SPATA17: variants seen among roughly 807,000 people sequenced by gnomAD.
SPATA17 encodes the protein spermatogenesis-associated protein 17.
Under a neutral mutation model 62.2 loss-of-function variants are expected in SPATA17, and 53 were observed. The observed-to-expected ratio is 0.85, with a 90% confidence interval of 0.68 to 1.07. The LOEUF is 1.07. Ranked by LOEUF, SPATA17 falls within the 50% of genes least tolerant of loss-of-function variation. The probability of loss-of-function intolerance (pLI) is 0.00; values close to 1 mark genes in which losing one functional copy is unlikely to be tolerated. For synonymous variants in SPATA17, 146 were observed against 146.8 expected, an observed-to-expected ratio of 0.99 and a Z score of 0.04; for missense variants, 466 against 425.5, an observed-to-expected ratio of 1.10 and a Z score of -0.84.
At chr1:217,720,119 G>A (rs543790334) in intron 5 of SPATA17, among the ~76,000 whole-genome samples, 15 of 152,316 alleles carry the variant, frequency 9.8e-5, no homozygotes, top group African/African-American at 2.4e-4. Context: ...CCCCAGTCAT[G>A]CGTTGACATA....
chr1:217,632,287 A>G (rs1372958287), intron 1 of SPATA17, among the ~76,000 whole-genome samples: 3 of 152,214 alleles, frequency 2.0e-5, no homozygotes. Context: ...GATAACGGGT[A>G]AGAAAACCAC....
chr1:217,683,122 C>T (rs1671126679), intron 4 of SPATA17, 136 bp from the exon 5 acceptor site: 2 of 453,980 alleles, frequency 4.4e-6, no homozygotes. Flanking sequence ...AACTAATATG[C>T]TACAATATTA....
chr1:217,634,760 C>T (rs543479197), intron 1 of SPATA17, among the ~76,000 whole-genome samples: 1 of 152,314 alleles, frequency 6.6e-6, no homozygotes, highest in South Asian at 2.1e-4. Flanking sequence ...AAAGTTAGTT[C>T]AGCCTATGTC....
chr1:217,780,420 C>A (rs2102975743), intron 7 of SPATA17, among the ~76,000 whole-genome samples: 1 of 152,184 alleles, frequency 6.6e-6, no homozygotes, highest in East Asian at 1.9e-4. Flanking sequence ...TGGGAGTGAA[C>A]CCAAAAGGAA....
chr1:217,816,413 T>G (rs1674718039), intron 9 of SPATA17, among the ~76,000 whole-genome samples: 1 of 151,688 alleles, frequency 6.6e-6, no homozygotes, highest in Non-Finnish European at 1.5e-5. Context: ...TTCTACTAAT[T>G]CTAGCACTTA....
At chr1:217,775,252 A>C (rs777830841) in intron 7 of SPATA17, among the ~76,000 whole-genome samples, 20 of 152,172 alleles carry the variant, frequency 1.3e-4, no homozygotes, top group Non-Finnish European at 2.5e-4. Context: ...TGTCTATTCT[A>C]AGTCCTTTGC....
intron 3 of SPATA17, among the ~76,000 whole-genome samples, chr1:217,662,667 A>G (rs1670596283): frequency 6.6e-6 from 1 of 152,176 alleles, no homozygotes; most frequent in Admixed American, 6.5e-5. Context: ...GTATGTTGTT[A>G]CGATAAAAGC....
intron 5 of SPATA17, among the ~76,000 whole-genome samples, chr1:217,713,071 C>T (rs962122936): frequency 6.6e-6 from 1 of 152,058 alleles, no homozygotes; most frequent in Non-Finnish European, 1.5e-5. Flanking sequence ...AAGACTAAAC[C>T]CACTGGAAAC....
intron 5 of SPATA17, among the ~76,000 whole-genome samples, chr1:217,716,121 C>T (rs1037888898): frequency 1.3e-5 from 2 of 152,234 alleles, no homozygotes; most frequent in African/African-American, 4.8e-5. Context: ...ACAGAACCAA[C>T]AAATGCAATA....
chr1:217,855,465 G>T (rs1675759830), intron 9 of SPATA17, among the ~76,000 whole-genome samples: 1 of 152,160 alleles, frequency 6.6e-6, no homozygotes, highest in African/African-American at 2.4e-5. Flanking sequence ...TTAAATAGTT[G>T]AAACCAAATT....
At chr1:217,734,889 C>T (rs946363266) in intron 5 of SPATA17, among the ~76,000 whole-genome samples, 4 of 152,062 alleles carry the variant, frequency 2.6e-5, no homozygotes, top group Non-Finnish European at 4.4e-5. Flanking sequence ...TGAGAAAGTG[C>T]ATTTTTATTA....
chr1:217,673,948 C>G (rs918944270), intron 4 of SPATA17, among the ~76,000 whole-genome samples: 4 of 152,118 alleles, frequency 2.6e-5, no homozygotes, highest in Non-Finnish European at 2.9e-5. Context: ...TTGCTTATGG[C>G]TTTTGCTGAT....
chr1:217,858,997 C>T (rs1232958475), intron 9 of SPATA17, among the ~76,000 whole-genome samples: 1 of 151,616 alleles, frequency 6.6e-6, no homozygotes, highest in Non-Finnish European at 1.5e-5. Context: ...TACTGCACTC[C>T]AGCCTGGGTG....
chr1:217,680,583 T>C lies in SPATA17; in HGVS notation c.292-2675T>C, dbSNP rs928193131. Among the ~76,000 whole-genome samples the C allele has an allele frequency of 3.3e-5, 5 of 152,162 alleles. No individual in the cohort carries two copies. In the East Asian group the frequency reaches 9.6e-4, roughly 29 times the overall value. ...TTGAGAAGTATTTTGAAAGACACTTTGAATACTTTTGTTACATTAGTTTGC... is the reference window on the plus strand; with the variant it reads ...TTGAGAAGTATTTTGAAAGACACTTCGAATACTTTTGTTACATTAGTTTGC... On this transcript the variant is annotated intron_variant, in intron 4 of 10. Coordinates refer to ENST00000366933, the MANE Select transcript of SPATA17 (RefSeq NM_138796.4).
At chr1:217,854,179 T>G (rs1260141047) in intron 9 of SPATA17, among the ~76,000 whole-genome samples, 1 of 152,194 alleles carries the variant, frequency 6.6e-6, no homozygotes, top group Non-Finnish European at 1.5e-5. Context: ...GTATGGCTGC[T>G]GGGATTGGCC....
At chr1:217,827,343 C>T (rs1675020534) in intron 9 of SPATA17, among the ~76,000 whole-genome samples, 1 of 152,004 alleles carries the variant, frequency 6.6e-6, no homozygotes, top group African/African-American at 2.4e-5. Flanking sequence ...GTCCATACTA[C>T]CCAAAGCAAT....
At chr1:217,734,460 C>T (rs1672465998) in intron 5 of SPATA17, among the ~76,000 whole-genome samples, 1 of 152,126 alleles carries the variant, frequency 6.6e-6, no homozygotes, top group Non-Finnish European at 1.5e-5. Context: ...GCCTCAGCCT[C>T]CGGAATAGCT....
chr1:217,783,848 A>G (rs935568527), intron 8 of SPATA17, among the ~76,000 whole-genome samples: 13 of 152,056 alleles, frequency 8.5e-5, no homozygotes, highest in Non-Finnish European at 1.6e-4. Flanking sequence ...CTCGATTTGT[A>G]TTTTCCATGG....
intron 5 of SPATA17, among the ~76,000 whole-genome samples, chr1:217,686,453 T>C (rs1170106532): frequency 6.6e-6 from 1 of 152,160 alleles, no homozygotes; most frequent in African/African-American, 2.4e-5. Context: ...TTATTTAATT[T>C]GCTTATTTAA....
Sources: gnomAD v4.1 joint callset for allele counts (sites outside exome capture counted in the v4.1 genomes callset) on GRCh38, gnomAD v4.1.1 for gene constraint, MANE v1.5 for transcripts, NCBI Gene and HGNC (gene_info 2026-07-23, HGNC 2026-07-21) for gene names.